Variants in DAO observed in about 807,000 individuals in gnomAD.
DAO encodes D-amino-acid oxidase.
In DAO, 51 loss-of-function variants were observed where a neutral mutation model predicts 50.1. That is an observed-to-expected ratio of 1.02 (90% CI 0.81 to 1.29). DAO has a LOEUF of 1.29. Among genes scored for constraint, DAO ranks in the 50% most tolerant of loss-of-function variants. The pLI is 0.00. For synonymous variants in DAO, 160 were observed against 166.2 expected, an observed-to-expected ratio of 0.96 and a Z score of 0.29; for missense variants, 436 against 439.4, an observed-to-expected ratio of 0.99 and a Z score of 0.07.
In DAO at chr12:108,900,715, C is replaced by G; in HGVS notation, c.*180C>G. On this transcript the variant is annotated 3_prime_UTR_variant, in exon 11 of 11. Transcript: ENST00000228476. The stretch of plus-strand genomic sequence containing the variant: ...GGGTTCAGCCCAACATGGGGCCCCT[C>G]TCATCACTGAAATCCCTCTACCTTC... 1 of 701,608 alleles carries G rather than the reference C, an allele frequency of 1.4e-6. No homozygotes were observed. The highest frequency in any genetic ancestry group is 2.3e-6 in the Non-Finnish European group (1 of 433,782). The allele number at this position is 701,608 out of a possible 1,614,324, so 43.5% of individuals were successfully genotyped here.
chr12:108,898,792 T>C lies in DAO; in HGVS notation c.809T>C (p.Leu270Pro). The C allele has an allele frequency of 6.2e-7, 1 of 1,611,130 alleles. No homozygotes were observed. The highest frequency in any genetic ancestry group is 8.5e-7 in the Non-Finnish European group (1 of 1,177,366). ...GGCTGCTGCAGACTGGAGCCCACAC[T>C]GAAGGTAAGGTAGGGAGGAGTAGCA... ...WEGCCRLEPTLKNARIIGERT... is the reference protein window; with the variant it reads ...WEGCCRLEPTPKNARIIGERT... The change falls in exon 9 of 11, where the codon CTG becomes CCG. Residue 270 changes from leucine (L) to proline (P), a missense_variant. Transcript: ENST00000228476.
At chr12:108,885,597 G>C (rs1164905071) in intron 2 of DAO, among the ~76,000 whole-genome samples, 1 of 152,040 alleles carries the variant, frequency 6.6e-6, no homozygotes, top group East Asian at 1.9e-4. Context: ...GTGAGACTCT[G>C]TTTCAAAAAG....
chr12:108,899,504 C>T (rs1379707456), intron 10 of DAO, 29 bp downstream of exon 10: 4 of 1,560,918 alleles, frequency 2.6e-6, no homozygotes, highest in Non-Finnish European at 3.5e-6. Flanking sequence ...GAAAGTAATG[C>T]CCTCTTCCAC....
intron 7 of DAO, among the ~76,000 whole-genome samples, chr12:108,896,409 G>A (rs71454754): frequency 0.2 from 23,908 of 117,118 alleles, 2,852 homozygotes; most frequent in East Asian, 0.5. Flanking sequence ...GCAACAGAGC[G>A]AGGCTGTCTC....
chr12:108,889,073 T>C (rs1248747723), intron 3 of DAO, among the ~76,000 whole-genome samples: 2 of 152,014 alleles, frequency 1.3e-5, no homozygotes, highest in Non-Finnish European at 2.9e-5. Context: ...CAGTGCCTTA[T>C]ATGCACTTAG....
intron 1 of DAO, among the ~76,000 whole-genome samples, chr12:108,883,156 T>G (rs1263262156): frequency 6.6e-6 from 1 of 151,838 alleles, no homozygotes; most frequent in Non-Finnish European, 1.5e-5. Context: ...TTCTCCTCTT[T>G]TTTTTTTTGA....
At chr12:108,897,184 T>C (rs1459190788) in intron 8 of DAO, 96 bp downstream of exon 8, 3 of 846,190 alleles carry the variant, frequency 3.5e-6, no homozygotes, top group South Asian at 1.3e-5. Context: ...CCTGCAGTTG[T>C]TCCCTTTCAA....
At chr12:108,890,895 T>C (rs1157957905) in intron 5 of DAO, among the ~76,000 whole-genome samples, 5 of 152,174 alleles carry the variant, frequency 3.3e-5, no homozygotes, top group Non-Finnish European at 7.3e-5. Context: ...CTTGGCTCAC[T>C]GCAAGCTCTG....
At chr12:108,895,735 GTGTGTGTGTGCA>G in intron 7 of DAO, among the ~76,000 whole-genome samples, 1 of 112,028 alleles carries the variant, frequency 8.9e-6, no homozygotes, top group Admixed American at 7.8e-5. Flanking sequence ...GCATGTGAGG[GTGTGTGTGTGCA>G]TGTGTGTGAG....
At chr12:108,880,457 T>G in intron 1 of DAO, 1 of 291,838 alleles carries the variant, frequency 3.4e-6, no homozygotes, top group South Asian at 3.4e-5. Flanking sequence ...ATAACTCCCC[T>G]CTTACAGCGT....
At chr12:108,880,714 A>AT (rs11415772) in intron 1 of DAO, among the ~76,000 whole-genome samples, 22,683 of 148,850 alleles carry the variant, frequency 0.15, 2,503 homozygotes, top group Admixed American at 0.32. Flanking sequence ...TGGCTTACTG[A>AT]TTTTTTTTTT....
intron 5 of DAO, among the ~76,000 whole-genome samples, chr12:108,891,401 GA>G (rs1351019457): frequency 6.7e-6 from 1 of 149,132 alleles, no homozygotes; most frequent in African/African-American, 2.5e-5. Context: ...AGTGAGCTGT[GA>G]TCATGCCACT....
At chr12:108,885,739 C>T (rs1456945448) in intron 2 of DAO, among the ~76,000 whole-genome samples, 1 of 152,180 alleles carries the variant, frequency 6.6e-6, no homozygotes, top group Non-Finnish European at 1.5e-5. Flanking sequence ...AAAACTTCCT[C>T]TGTTTTAATT....
intron 3 of DAO, among the ~76,000 whole-genome samples, chr12:108,888,888 T>C (rs761695257): frequency 2.6e-5 from 4 of 152,178 alleles, no homozygotes; most frequent in Non-Finnish European, 2.9e-5. Context: ...ACTCTGGAAC[T>C]AAGCTGTATG....
rs66697500 is a variant in DAO at position 108,881,162 on chromosome 12, T to TCACACACA, written c.-10+967_-10+974dup. Among the ~76,000 whole-genome samples the TCACACACA allele has an allele frequency of 8.1e-3, 1,122 of 139,312 alleles. 9 individuals carry two copies. The highest frequency in any genetic ancestry group is 0.031 in the East Asian group (143 of 4,600). The allele number at this position is 139,312 out of a possible 152,430, so 91.4% of individuals were successfully genotyped here. A position where few individuals can be genotyped will look rare whatever the true frequency, so the allele number is the denominator to read the frequency against. ...CTCCACACTTACACAGACATTCTAA[T>TCACACACA]CACACACACACACACACACACACAC... On this transcript the variant is annotated intron_variant, in intron 1 of 10. Transcript: ENST00000228476.
rs771193408 is a variant in DAO, at chr12:108,900,530, C to T, written c.1039C>T (p.Leu347Phe). 1 of 1,613,992 alleles carries T rather than the reference C, an allele frequency of 6.2e-7. No individual in the cohort carries two copies. The highest frequency in any genetic ancestry group is 1.1e-5 in the South Asian group (1 of 91,066). ...KKLSRMPPSH[L>F] ...ATTGTCCAGAATGCCACCATCCCACCTCTGAAGACTCCAGTGACTGCTGCC... is the reference window on the plus strand; with the variant it reads ...ATTGTCCAGAATGCCACCATCCCACTTCTGAAGACTCCAGTGACTGCTGCC... Residue 347 changes from leucine to phenylalanine, a missense_variant, in exon 11 of 11, where the codon CTC (leucine) becomes TTC (phenylalanine). Physicochemically the swap from Leu to Phe is conservative, Grantham distance 22 (BLOSUM62 0). Coordinates refer to ENST00000228476, the MANE Select transcript of DAO (RefSeq NM_001917.5).
chr12:108,882,893 A>G (rs1473761680), intron 1 of DAO, among the ~76,000 whole-genome samples: 5 of 152,178 alleles, frequency 3.3e-5, no homozygotes, highest in Non-Finnish European at 5.9e-5. Context: ...CACACCTGAA[A>G]GCCCAGCGCT....
chr12:108,899,318 TAA>T, intron 9 of DAO, 57 bp from the exon 10 acceptor site: 1 of 1,310,486 alleles, frequency 7.6e-7, no homozygotes. Context: ...CCCTACTACC[TAA>T]AAATGGCAGC....
At chr12:108,880,290 A>G in intron 1 of DAO, 66 bp downstream of exon 1, 1 of 372,286 alleles carries the variant, frequency 2.7e-6, no homozygotes, top group South Asian at 2.0e-5. Flanking sequence ...AAAGGATTTC[A>G]TGTCCTCCCA....
Sources: gnomAD v4.1 joint callset for allele counts (sites outside exome capture counted in the v4.1 genomes callset) on GRCh38, gnomAD v4.1.1 for gene constraint, MANE v1.5 for transcripts, NCBI Gene and HGNC (gene_info 2026-07-23, HGNC 2026-07-21) for gene names.